MTMR8: variants seen among roughly 807,000 people sequenced by gnomAD.
MTMR8 encodes myotubularin related protein 8.
A neutral mutation model predicts 39.3 loss-of-function variants in MTMR8; 65 were observed. The observed-to-expected ratio is 1.65, with a 90% CI of 1.35 to 2.03. The LOEUF (loss-of-function observed/expected upper bound fraction) is 2.03, where lower values mean the gene tolerates loss of function less well. Among genes scored for constraint, MTMR8 ranks in the 30% most tolerant of loss-of-function variants. The pLI is 0.00. For synonymous variants in MTMR8, 245 were observed against 185.2 expected (o/e 1.32, Z -2.62); for missense variants, 777 against 538.9 (o/e 1.44, Z -4.37).
chrX:64,372,191 G>A (rs1178598432), intron 1 of MTMR8, among the ~76,000 whole-genome samples: 1 of 106,700 alleles, frequency 9.4e-6, no homozygotes, highest in Non-Finnish European at 1.9e-5. Flanking sequence ...AAAAATTACA[G>A]GAAGTTCCCA....
chrX:64,302,720 G>C (rs780996031), intron 12 of MTMR8, among the ~76,000 whole-genome samples: 67 of 112,189 alleles, frequency 6.0e-4, no homozygotes, highest in African/African-American at 2.0e-3. Flanking sequence ...TATATTTTTA[G>C]GCATTAGAGC....
intron 12 of MTMR8, among the ~76,000 whole-genome samples, chrX:64,297,624 G>A (rs1214789055): frequency 1.1e-5 from 1 of 92,727 alleles, no homozygotes; most frequent in Admixed American, 1.2e-4. Flanking sequence ...TGTTGCCATT[G>A]CTTTTGGTGT....
chrX:64,343,396 A>T (rs1923266034), intron 8 of MTMR8, among the ~76,000 whole-genome samples: 1 of 111,938 alleles, frequency 8.9e-6, no homozygotes, highest in African/African-American at 3.2e-5. Flanking sequence ...TAAAAGTTAC[A>T]TCATTAGATT....
At chrX:64,349,290 A>G (rs1448667909) in intron 5 of MTMR8, among the ~76,000 whole-genome samples, 2 of 111,658 alleles carry the variant, frequency 1.8e-5, no homozygotes, top group Non-Finnish European at 3.8e-5. Context: ...CAACGTAACT[A>G]TTTAACATGA....
chrX:64,366,285 C>T (rs1221299295), intron 1 of MTMR8, among the ~76,000 whole-genome samples: 2 of 111,827 alleles, frequency 1.8e-5, no homozygotes, highest in African/African-American at 6.5e-5. Context: ...CTATCCACCC[C>T]AAATCAACAG....
chrX:64,323,013 C>A (rs758928489), intron 12 of MTMR8, among the ~76,000 whole-genome samples: 2 of 112,930 alleles, frequency 1.8e-5, no homozygotes, highest in Admixed American at 9.3e-5. Context: ...TGTGCGCTCA[C>A]TAGCCAGGCA....
chrX:64,367,313 G>C (rs769075607), intron 1 of MTMR8, among the ~76,000 whole-genome samples: 94 of 111,724 alleles, frequency 8.4e-4, no homozygotes, highest in Non-Finnish European at 1.3e-3. Flanking sequence ...CAAAAAAAGA[G>C]AATTTTAGAC....
chrX:64,395,223 C>T, intron 1 of MTMR8, 117 bp downstream of exon 1: 4 of 777,380 alleles, frequency 5.1e-6, no homozygotes, highest in Non-Finnish European at 7.8e-6. Context: ...CCCGGGACCC[C>T]CCACAGGAAA....
chrX:64,323,889 C>T (rs1345254402), intron 12 of MTMR8, among the ~76,000 whole-genome samples: 1 of 111,938 alleles, frequency 8.9e-6, no homozygotes, highest in Non-Finnish European at 1.9e-5. Flanking sequence ...TACAGCATAC[C>T]AAAATCCTTG....
At chrX:64,374,741 ATAAG>A (rs1390003808) in intron 1 of MTMR8, among the ~76,000 whole-genome samples, 5 of 111,228 alleles carry the variant, frequency 4.5e-5, no homozygotes, top group Non-Finnish European at 7.5e-5. Context: ...CTTTGCAGAT[ATAAG>A]TAAGTTAAAG....
rs758455943 is a variant in MTMR8, at chrX:64,362,612, T to A, written c.25-3085A>T. 5.8e-5 allele frequency among the ~76,000 whole-genome samples: 6 copies of A among 103,967 alleles called. No homozygotes were observed. The South Asian group carries it at 2.5e-3, about 44-fold the overall frequency. The allele number at this position is 103,967 out of a possible 115,157, so 90.3% of individuals were successfully genotyped here. ...CACTACAAATTGACAGACAAAAGAG[T>A]ATTTGCTAGATGTGTTGGGGAAACA... On this transcript the variant is annotated intron_variant, in intron 1 of 13. Transcript: ENST00000374852.
At chrX:64,365,462 TC>T (rs934472853) in intron 1 of MTMR8, among the ~76,000 whole-genome samples, 1 of 111,854 alleles carries the variant, frequency 8.9e-6, no homozygotes, top group Non-Finnish European at 1.9e-5. Context: ...TATTCAACAT[TC>T]TTAAAGAAAA....
At chrX:64,335,961 G>T (rs748111405) in intron 10 of MTMR8, 118 bp downstream of exon 10, 1 of 494,145 alleles carries the variant, frequency 2.0e-6, no homozygotes, top group East Asian at 3.9e-5. Context: ...GATGAAAAGA[G>T]ATTTATGCCA....
At chrX:64,302,347 C>T (rs1436706099) in intron 12 of MTMR8, among the ~76,000 whole-genome samples, 1 of 112,513 alleles carries the variant, frequency 8.9e-6, no homozygotes, top group Non-Finnish European at 1.9e-5. Flanking sequence ...GTCTGTCACC[C>T]CTTTCTTTGA....
Position 64,359,532 on chromosome X carries a change from T to C in MTMR8, c.25-5A>G. 8.4e-7 allele frequency: 1 copy of C among 1,194,282 alleles called. No homozygotes were observed. Among genetic ancestry groups the C allele is most frequent in the Non-Finnish European group, 1.1e-6 (1 of 885,473 alleles). Reference sequence around the variant, plus strand: ...CACCAATTTCACGTTTTCTACCTGTTATTGGAGGAAAAAATACTGAATAAG... The same window carrying C: ...CACCAATTTCACGTTTTCTACCTGTCATTGGAGGAAAAAATACTGAATAAG... On this transcript the variant is annotated splice_region_variant and splice_polypyrimidine_tract_variant and intron_variant, in intron 1 of 13. Transcript: ENST00000374852.
chrX:64,343,606 A>G lies in MTMR8; in HGVS notation c.975+5T>C. On this transcript the variant is annotated splice_donor_5th_base_variant and intron_variant, in intron 8 of 13. Coordinates refer to ENST00000374852, the MANE Select transcript of MTMR8 (RefSeq NM_017677.4). ...AGTGCAAATTTTAAAAGTCCTGATTATTACCTTTGTAATGAAAATTCCAGC... is the reference window on the plus strand; with the variant it reads ...AGTGCAAATTTTAAAAGTCCTGATTGTTACCTTTGTAATGAAAATTCCAGC... 8.7e-7 allele frequency: 1 copy of G among 1,151,688 alleles called. No individual in the cohort carries two copies. The highest frequency in any genetic ancestry group is 1.2e-6 in the Non-Finnish European group (1 of 843,163). 94.9% of individuals were successfully genotyped at this position (1,151,688 alleles called of 1,213,427 possible). A position where few individuals can be genotyped will look rare whatever the true frequency, so the allele number is the denominator to read the frequency against.
At chrX:64,388,176 C>T (rs1924610197) in intron 1 of MTMR8, among the ~76,000 whole-genome samples, 2 of 111,612 alleles carry the variant, frequency 1.8e-5, no homozygotes, top group Non-Finnish European at 3.8e-5. Context: ...AGATGCACTG[C>T]AATAATAAAT....
At chrX:64,345,953 T>C (rs915864387) in intron 6 of MTMR8, among the ~76,000 whole-genome samples, 20 of 112,005 alleles carry the variant, frequency 1.8e-4, no homozygotes, top group Non-Finnish European at 3.4e-4. Flanking sequence ...ATGTCTAAAA[T>C]GTGACTGCAT....
At chrX:64,349,122 C>T (rs978151225) in intron 5 of MTMR8, among the ~76,000 whole-genome samples, 2 of 111,260 alleles carry the variant, frequency 1.8e-5, no homozygotes, top group African/African-American at 6.5e-5. Flanking sequence ...TTTTACAGTC[C>T]CAGTAATATT....
Sources: gnomAD v4.1 joint callset for allele counts (sites outside exome capture counted in the v4.1 genomes callset) on GRCh38, gnomAD v4.1.1 for gene constraint, MANE v1.5 for transcripts, NCBI Gene and HGNC (gene_info 2026-07-23, HGNC 2026-07-21) for gene names.